NLGN1: variants seen among roughly 807,000 people sequenced by gnomAD.
NLGN1 encodes neuroligin-1.
In NLGN1, 12 loss-of-function variants were observed where a neutral mutation model predicts 65.5. The observed-to-expected ratio is 0.18, with a 90% CI of 0.12 to 0.30. The LOEUF (loss-of-function observed/expected upper bound fraction) is 0.30. Ranked by LOEUF, NLGN1 falls within the 10% of genes least tolerant of loss-of-function variation. NLGN1 has a pLI of 1.00. For missense variants in NLGN1, 750 were observed against 1,007.1 expected, an observed-to-expected ratio of 0.74 and a Z score of 3.46; for synonymous variants, 350 against 359.5, an observed-to-expected ratio of 0.97 and a Z score of 0.30.
At chr3:174,177,312 A>T (rs1004331298) in intron 4 of NLGN1, among the ~76,000 whole-genome samples, 5 of 152,028 alleles carry the variant, frequency 3.3e-5, no homozygotes, top group Admixed American at 2.0e-4. Flanking sequence ...TCAATTTCCT[A>T]TGCTGAGTAC....
chr3:173,970,295 G>A (rs1379726679), intron 4 of NLGN1, among the ~76,000 whole-genome samples: 1 of 152,164 alleles, frequency 6.6e-6, no homozygotes, highest in Non-Finnish European at 1.5e-5. Flanking sequence ...GGTAAATGCA[G>A]TGAGAGAAAA....
At chr3:173,625,566 G>A (rs2149519851) in intron 3 of NLGN1, among the ~76,000 whole-genome samples, 1 of 152,200 alleles carries the variant, frequency 6.6e-6, no homozygotes, top group South Asian at 2.1e-4. Context: ...AAGACAAGAG[G>A]CTTTCAATGT....
chr3:173,501,376 C>G (rs190821983), intron 2 of NLGN1, among the ~76,000 whole-genome samples: 15 of 152,218 alleles, frequency 9.9e-5, no homozygotes, highest in Admixed American at 2.6e-4. Flanking sequence ...ATTGGATGAC[C>G]TCTGAAGGCT....
intron 3 of NLGN1, among the ~76,000 whole-genome samples, chr3:173,672,478 T>G (rs1762578711): frequency 6.6e-6 from 1 of 152,224 alleles, no homozygotes; most frequent in African/African-American, 2.4e-5. Flanking sequence ...AGGTGAAGAT[T>G]AAATCTTGGA....
intron 3 of NLGN1, among the ~76,000 whole-genome samples, chr3:173,633,575 CT>C (rs1756094802): frequency 6.6e-6 from 1 of 152,122 alleles, no homozygotes; most frequent in South Asian, 2.1e-4. Context: ...TCAGAAATAT[CT>C]AATTCAAACA....
chr3:173,464,757 G>T (rs1724040823), intron 2 of NLGN1, among the ~76,000 whole-genome samples: 1 of 152,112 alleles, frequency 6.6e-6, no homozygotes, highest in African/African-American at 2.4e-5. Flanking sequence ...AATTCTATAT[G>T]CAAGGAGTTA....
downstream of NLGN1, among the ~76,000 whole-genome samples, chr3:174,289,975 A>ATATATG (rs1752574651): frequency 8.8e-6 from 1 of 114,112 alleles, no homozygotes; most frequent in Non-Finnish European, 2.0e-5. Flanking sequence ...ATATGTATAT[A>ATATATG]TATATATATA....
Position 173,896,788 on chromosome 3 carries a change from A to T in NLGN1, c.646+88956A>T, listed in dbSNP as rs145073335. 6.3e-3 allele frequency among the ~76,000 whole-genome samples: 951 copies of T among 152,150 alleles called. 5 individuals are homozygous for T. Among genetic ancestry groups the T allele is most frequent in the Non-Finnish European group, 9.2e-3 (627 of 68,002 alleles). On this transcript the variant is annotated intron_variant, in intron 4 of 6. Transcript: ENST00000457714. ...TCTCAATGCCACCTCCTTATCTAGC[A>T]CCACTCCCATCCGCTCTTCTCACCC...
At chr3:174,072,285 C>T (rs943108093) in intron 4 of NLGN1, among the ~76,000 whole-genome samples, 1 of 152,082 alleles carries the variant, frequency 6.6e-6, no homozygotes, top group African/African-American at 2.4e-5. Flanking sequence ...ACTCCCCATC[C>T]TAAGGAGAGA....
At chr3:174,037,746 C>A (rs931213401) in intron 4 of NLGN1, among the ~76,000 whole-genome samples, 1 of 152,080 alleles carries the variant, frequency 6.6e-6, no homozygotes, top group African/African-American at 2.4e-5. Flanking sequence ...GTTTTAGCAC[C>A]TTTTACTTTT....
chr3:173,421,663 G>A (rs1448844151), intron 1 of NLGN1, among the ~76,000 whole-genome samples: 1 of 151,586 alleles, frequency 6.6e-6, no homozygotes, highest in Non-Finnish European at 1.5e-5. Flanking sequence ...GGGATTACAG[G>A]TGTGCACCAT....
At chr3:173,480,520 C>T (rs1023489919) in intron 2 of NLGN1, among the ~76,000 whole-genome samples, 9 of 152,120 alleles carry the variant, frequency 5.9e-5, no homozygotes, top group Non-Finnish European at 8.8e-5. Context: ...CAAGATGTTA[C>T]TCATGGGGTC....
At chr3:174,274,390 C>CAACT (rs1750111848) in intron 4 of NLGN1, among the ~76,000 whole-genome samples, 2 of 151,966 alleles carry the variant, frequency 1.3e-5, no homozygotes, top group South Asian at 4.1e-4. Context: ...CTCCCTTCTA[C>CAACT]AACTTTCATA....
chr3:174,013,871 G>A (rs148332010), intron 4 of NLGN1, among the ~76,000 whole-genome samples: 1 of 152,036 alleles, frequency 6.6e-6, no homozygotes, highest in Admixed American at 6.6e-5. Context: ...GTGCCACCAG[G>A]TCAGGCCAAT....
At chr3:173,515,276 C>T (rs1422716577) in intron 2 of NLGN1, among the ~76,000 whole-genome samples, 2 of 152,048 alleles carry the variant, frequency 1.3e-5, no homozygotes, top group Non-Finnish European at 2.9e-5. Context: ...TTTTCCCACC[C>T]GTTAGTCATT....
intron 4 of NLGN1, among the ~76,000 whole-genome samples, chr3:174,170,110 G>A (rs1728239021): frequency 6.6e-6 from 1 of 151,916 alleles, no homozygotes; most frequent in Non-Finnish European, 1.5e-5. Context: ...AGATTCCAGT[G>A]GATTCCTGTT....
At chr3:174,099,162 G>A (rs973636197) in intron 4 of NLGN1, among the ~76,000 whole-genome samples, 3 of 152,244 alleles carry the variant, frequency 2.0e-5, no homozygotes, top group Admixed American at 6.5e-5. Context: ...TGCAACAGAC[G>A]TTTTAGTCCC....
intron 3 of NLGN1, among the ~76,000 whole-genome samples, chr3:173,655,155 G>A (rs1178743201): frequency 6.6e-6 from 1 of 152,076 alleles, no homozygotes; most frequent in Admixed American, 6.6e-5. Flanking sequence ...CTCAGAAGGG[G>A]AAAAGCTAAA....
At chr3:174,198,983 A>G (rs958662509) in intron 4 of NLGN1, among the ~76,000 whole-genome samples, 8 of 151,036 alleles carry the variant, frequency 5.3e-5, no homozygotes, top group Non-Finnish European at 1.2e-4. Flanking sequence ...GAGTAGCTGG[A>G]ATTACAGCCA....
Sources: allele counts gnomAD v4.1 joint callset (sites outside exome capture counted in the v4.1 genomes callset), GRCh38; gene constraint gnomAD v4.1.1; transcripts MANE v1.5; gene names NCBI Gene and HGNC (gene_info 2026-07-23, HGNC 2026-07-21).